CNTNAP2: variants seen among roughly 807,000 people sequenced by gnomAD.
CNTNAP2 encodes the protein contactin-associated protein-like 2.
A neutral mutation model predicts 155.2 loss-of-function variants in CNTNAP2; 98 were observed. The ratio of observed to expected loss-of-function variants is 0.63; its 90% CI spans 0.54 to 0.75. The LOEUF (loss-of-function observed/expected upper bound fraction) is 0.75. CNTNAP2 is among the 30% of genes least tolerant of loss of function. CNTNAP2 has a pLI of 0.00. For missense variants in CNTNAP2, 1,727 were observed against 1,688.1 expected (o/e 1.02, Z -0.40); for synonymous variants, 651 against 631.2 (o/e 1.03, Z -0.47).
chr7:146,944,204 G>A lies in CNTNAP2; in HGVS notation c.403-99703G>A, dbSNP rs550491275. Among the ~76,000 whole-genome samples, 274 of 146,358 alleles carry A rather than the reference G, an allele frequency of 1.9e-3. 3 individuals are homozygous for A. Among genetic ancestry groups the A allele is most frequent in the African/African-American group, 6.0e-3 (239 of 39,660 alleles). On this transcript the variant is annotated intron_variant, in intron 3 of 23. Coordinates refer to ENST00000361727, the MANE Select transcript of CNTNAP2 (RefSeq NM_014141.6). Reference sequence around the variant, plus strand: ...TTTCTTAATTTTTCTATATTTCTAGGCTGTGAGATTCATCTACAGGTTTTT... The same window carrying A: ...TTTCTTAATTTTTCTATATTTCTAGACTGTGAGATTCATCTACAGGTTTTT...
intron 3 of CNTNAP2, among the ~76,000 whole-genome samples, chr7:146,925,988 C>G (rs1169179202): frequency 1.3e-5 from 2 of 152,042 alleles, no homozygotes; most frequent in African/African-American, 4.8e-5. Context: ...TCTATCTTGT[C>G]CAAACTGGAA....
chr7:147,368,006 C>T (rs1796266395), intron 9 of CNTNAP2, among the ~76,000 whole-genome samples: 1 of 108,680 alleles, frequency 9.2e-6, no homozygotes, highest in Non-Finnish European at 1.8e-5. Flanking sequence ...CTCTCTGTCT[C>T]TCTCTCTCCC....
intron 1 of CNTNAP2, among the ~76,000 whole-genome samples, chr7:146,683,403 A>G (rs1351392882): frequency 2.0e-5 from 3 of 152,144 alleles, no homozygotes; most frequent in South Asian, 4.1e-4. Context: ...ATTTTCCTCA[A>G]TAAAAGTGTC....
At chr7:146,342,946 C>T (rs940298929) in intron 1 of CNTNAP2, among the ~76,000 whole-genome samples, 2 of 152,212 alleles carry the variant, frequency 1.3e-5, no homozygotes, top group Non-Finnish European at 2.9e-5. Context: ...CTCAAGCACA[C>T]CACACTGTGC....
intron 1 of CNTNAP2, among the ~76,000 whole-genome samples, chr7:146,651,454 T>TA (rs1388800946): frequency 3.3e-5 from 5 of 152,200 alleles, no homozygotes; most frequent in African/African-American, 1.2e-4. Flanking sequence ...GTTGTGATGA[T>TA]ACGCAATAAT....
At chr7:147,896,957 G>A (rs1214621350) in intron 13 of CNTNAP2, 3 of 152,148 alleles carry the variant, frequency 2.0e-5, no homozygotes, top group Non-Finnish European at 2.9e-5. Flanking sequence ...AGATGGAGTC[G>A]ATTAAGTTAG....
intron 9 of CNTNAP2, among the ~76,000 whole-genome samples, chr7:147,351,527 A>G (rs1210737364): frequency 1.3e-5 from 2 of 151,770 alleles, no homozygotes; most frequent in African/African-American, 4.8e-5. Flanking sequence ...TGTTTTGCCT[A>G]TGTTTAATAT....
At chr7:146,606,999 A>G (rs1585004062) in intron 1 of CNTNAP2, among the ~76,000 whole-genome samples, 1 of 152,208 alleles carries the variant, frequency 6.6e-6, no homozygotes, top group South Asian at 2.1e-4. Context: ...CAGGCTTTTT[A>G]TTTTGCTATT....
chr7:146,404,115 A>T (rs1446985136), intron 1 of CNTNAP2, among the ~76,000 whole-genome samples: 1 of 108,100 alleles, frequency 9.3e-6, no homozygotes, highest in Non-Finnish European at 1.8e-5. Flanking sequence ...ACAGAGCGAG[A>T]CTCCGTCTCA....
chr7:147,837,562 C>T lies in CNTNAP2; in HGVS notation c.2099-66003C>T, dbSNP rs370123427. Among the ~76,000 whole-genome samples, 49 of 152,228 alleles carry T rather than the reference C, an allele frequency of 3.2e-4. 1 individual carries two copies. Among genetic ancestry groups the T allele is most frequent in the African/African-American group, 1.0e-3 (42 of 41,560 alleles). On this transcript the variant is annotated intron_variant, in intron 13 of 23. Transcript: ENST00000361727. ...AAGTCTTAACTCATTTCAGCATTAA[C>T]TCAAAAGTCCACAGTCCAAAGTCTT...
intron 1 of CNTNAP2, among the ~76,000 whole-genome samples, chr7:146,581,959 G>A (rs1021851040): frequency 6.6e-6 from 1 of 151,930 alleles, no homozygotes; most frequent in African/African-American, 2.4e-5. Flanking sequence ...CTAGAAATGT[G>A]GTCATATGCA....
chr7:147,923,673 C>T (rs1272712491), intron 14 of CNTNAP2, among the ~76,000 whole-genome samples: 1 of 106,566 alleles, frequency 9.4e-6, no homozygotes, highest in Non-Finnish European at 1.9e-5. Context: ...ACCACCATGC[C>T]CAGCTAATTA....
At chr7:147,978,024 T>C (rs1417612406) in intron 15 of CNTNAP2, 35 bp downstream of exon 15, 2 of 1,612,924 alleles carry the variant, frequency 1.2e-6, no homozygotes, top group African/African-American at 1.3e-5. Flanking sequence ...TTGCACTTTC[T>C]TATCCCATTT....
At chr7:146,590,418 C>A (rs1177955460) in intron 1 of CNTNAP2, among the ~76,000 whole-genome samples, 1 of 152,036 alleles carries the variant, frequency 6.6e-6, no homozygotes, top group Admixed American at 6.6e-5. Flanking sequence ...AATGATCATG[C>A]CTGTCCACCC....
chr7:147,892,859 A>G (rs997560924), intron 13 of CNTNAP2, among the ~76,000 whole-genome samples: 3 of 152,232 alleles, frequency 2.0e-5, no homozygotes, highest in Non-Finnish European at 4.4e-5. Flanking sequence ...AATCCAGTGT[A>G]ATTCTAAAAG....
intron 1 of CNTNAP2, among the ~76,000 whole-genome samples, chr7:146,601,682 G>A (rs1025543642): frequency 3.9e-5 from 6 of 152,058 alleles, no homozygotes; most frequent in African/African-American, 1.4e-4. Context: ...AACAACATGG[G>A]AGAGCTAGCT....
intron 13 of CNTNAP2, among the ~76,000 whole-genome samples, chr7:147,666,353 G>A (rs949960125): frequency 4.6e-5 from 7 of 152,156 alleles, no homozygotes; most frequent in Non-Finnish European, 1.0e-4. Flanking sequence ...AACACCTAGT[G>A]ATGTCCCAGC....
intron 1 of CNTNAP2, among the ~76,000 whole-genome samples, chr7:146,579,207 T>C (rs1278250113): frequency 6.6e-6 from 1 of 152,112 alleles, no homozygotes; most frequent in African/African-American, 2.4e-5. Context: ...CCTCTCAATT[T>C]TTTTTGTTGT....
At chr7:146,307,844 G>A (rs1256044143) in intron 1 of CNTNAP2, among the ~76,000 whole-genome samples, 2 of 151,790 alleles carry the variant, frequency 1.3e-5, no homozygotes, top group African/African-American at 4.9e-5. Context: ...ATGGATTAAA[G>A]ACTTAAATGT....
Sources: gnomAD v4.1 joint callset for allele counts (sites outside exome capture counted in the v4.1 genomes callset) on GRCh38, gnomAD v4.1.1 for gene constraint, MANE v1.5 for transcripts, NCBI Gene and HGNC (gene_info 2026-07-23, HGNC 2026-07-21) for gene names.